GP1BB: variants seen among roughly 807,000 people sequenced by gnomAD.
GP1BB encodes the protein glycoprotein Ib platelet subunit beta.
GP1BB carries 3 observed loss-of-function variants against 2.5 expected under a neutral mutation model. The ratio of observed to expected loss-of-function variants is 1.22; its 90% CI spans 0.56 to 3.15. The LOEUF (loss-of-function observed/expected upper bound fraction) is 3.15. Ranked by LOEUF, GP1BB falls within the 30% of genes most tolerant of loss-of-function variation. GP1BB has a pLI of 0.03. For missense variants in GP1BB, 316 were observed against 307.0 expected, an observed-to-expected ratio of 1.03 and a Z score of -0.22; for synonymous variants, 191 against 167.5, an observed-to-expected ratio of 1.14 and a Z score of -1.08.
Position 19,724,075 on chromosome 22 carries a change from C to T in GP1BB, c.232C>T (p.Leu78=). 1 of 1,499,668 alleles carries T rather than the reference C, an allele frequency of 6.7e-7. No individual in the cohort carries two copies. Among genetic ancestry groups the T allele is most frequent in the Non-Finnish European group, 8.9e-7 (1 of 1,129,896 alleles). The allele number at this position is 1,499,668 out of a possible 1,614,324, so 92.9% of individuals were successfully genotyped here. The change falls in exon 2 of 2, where the codon CTG becomes TTG. Residue 78 remains leucine, a synonymous_variant. Coordinates refer to ENST00000366425, the MANE Select transcript of GP1BB (RefSeq NM_000407.5). The part of the protein sequence containing the change: ...TALPPGLLDA[L]PALRTAHLGA... Reference sequence around the variant, plus strand: ...GCTGCCGCCGGGGCTGCTGGACGCGCTGCCCGCGCTGCGCACCGCACACCT... The same window carrying T: ...GCTGCCGCCGGGGCTGCTGGACGCGTTGCCCGCGCTGCGCACCGCACACCT...
Position 19,724,570 on chromosome 22 carries a change from C to A in GP1BB, c.*106C>A. ...GGCCCTCGCGCCAACCTGGACCGGT[C>A]CCCGCCTCCTCCGCTGCCCAATCTC... On this transcript the variant is annotated 3_prime_UTR_variant, in exon 2 of 2. Coordinates refer to ENST00000366425, the MANE Select transcript of GP1BB (RefSeq NM_000407.5). 1 of 811,080 alleles carries A rather than the reference C, an allele frequency of 1.2e-6. No homozygotes were observed. The highest frequency in any genetic ancestry group is 2.1e-6 in the Non-Finnish European group (1 of 480,784). 50.2% of individuals were successfully genotyped at this position (811,080 alleles called of 1,614,324 possible). A position where few individuals can be genotyped will look rare whatever the true frequency, so the allele number is the denominator to read the frequency against.
rs1001152173 is a variant in GP1BB at position 19,724,339 on chromosome 22, T to TTGC, written c.502_504dup (p.Leu168dup). 1 of 1,455,104 alleles carries TTGC rather than the reference T, an allele frequency of 6.9e-7. No homozygotes were observed. The allele number at this position is 1,455,104 out of a possible 1,614,324, so 90.1% of individuals were successfully genotyped here. On this transcript the variant is annotated inframe_insertion, in exon 2 of 2. Coordinates refer to ENST00000366425, the MANE Select transcript of GP1BB (RefSeq NM_000407.5). ...GCTGGGCCTTGGGCTGCTGCACGCG[T>TTGC]TGCTGCTGGTGCTGCTGCTGTGCCG...
chr22:19,724,514 G>A lies in GP1BB; in HGVS notation c.*50G>A. On this transcript the variant is annotated 3_prime_UTR_variant, in exon 2 of 2. Coordinates refer to ENST00000366425, the MANE Select transcript of GP1BB (RefSeq NM_000407.5). ...AGAGAACCGGCGCTGGGCAACACGG[G>A]CCTGCAAACTCGACAGGACCCTGCC... is the stretch of plus-strand genomic sequence containing the variant. The A allele has an allele frequency of 1.6e-6, 2 of 1,272,602 alleles. No individual in the cohort carries two copies. Among genetic ancestry groups the A allele is most frequent in the Non-Finnish European group, 2.2e-6 (2 of 896,198 alleles). 78.8% of individuals were successfully genotyped at this position (1,272,602 alleles called of 1,614,324 possible). A position where few individuals can be genotyped will look rare whatever the true frequency, so the allele number is the denominator to read the frequency against.
Position 19,724,377 on chromosome 22 carries a change from G to GCGGGCC in GP1BB, c.543_548dup (p.Arg185_Ala186dup), listed in dbSNP as rs1233061164. ...TGCTGCTGTGCCGCCTGCGGAGGCT[G>GCGGGCC]CGGGCCCGGGCCCGCGCTCGCGCCG... On this transcript the variant is annotated inframe_insertion, in exon 2 of 2. Coordinates refer to ENST00000366425, the MANE Select transcript of GP1BB (RefSeq NM_000407.5). The GCGGGCC allele has an allele frequency of 3.3e-6, 5 of 1,518,758 alleles. No homozygotes were observed. Among genetic ancestry groups the GCGGGCC allele is most frequent in the East Asian group, 2.5e-5 (1 of 39,306 alleles). The allele number at this position is 1,518,758 out of a possible 1,614,324, so 94.1% of individuals were successfully genotyped here.
At position 19,724,427 on chromosome 22, in the gene GP1BB, C is replaced by G. The variant is rs1936125083; in HGVS notation, c.584C>G (p.Pro195Arg). ...RAAARLSLTD[P>R]LVAERAGTDE... ...GCAGCCCGGCTGTCGCTGACCGACC[C>G]GCTGGTGGCCGAGCGAGCCGGAACC... The change falls in exon 2 of 2, where the codon CCG (proline) becomes CGG (arginine). Residue 195 changes from proline (P) to arginine (R), a missense_variant. Transcript: ENST00000366425. 2.6e-6 allele frequency: 4 copies of G among 1,544,328 alleles called. No individual in the cohort carries two copies. In the African/African-American group the frequency reaches 4.1e-5, roughly 16 times the overall value.
At position 19,724,240 on chromosome 22, in the gene GP1BB, G is replaced by C. The variant is rs121909751; in HGVS notation, c.397G>C (p.Ala133Pro). 4 of 1,240,022 alleles carry C rather than the reference G, an allele frequency of 3.2e-6. No individual in the cohort carries two copies. The East Asian group carries it at 1.0e-4, about 32-fold the overall frequency. 76.8% of individuals were successfully genotyped at this position (1,240,022 alleles called of 1,614,324 possible). The change falls in exon 2 of 2, where the codon GCC (alanine) becomes CCC (proline). Residue 133 changes from alanine (A) to proline (P), a missense_variant. Transcript: ENST00000366425. ...GCGCGGCCGCCTGCTGCCCTATCTG[G>C]CCGAGGACGAGCTGCGCGCCGCTTG... ...ALRGRLLPYL[A>P]EDELRAACAP...
rs1326108904 is a variant in GP1BB at position 19,723,576 on chromosome 22, T to C, written c.7T>C (p.Ser3Pro). MG[S>P]GPRGALSLLL... ...GGGCTGCCGTCTTCTCGCCATGGGC[T>C]CCGGTGAGTCTGGAGTCCGGTCGGG... Residue 3 changes from serine (S) to proline (P), a missense_variant, in exon 1 of 2, where the codon TCC (serine) becomes CCC (proline). Ser to Pro is a moderately conservative substitution (Grantham distance 74). Transcript: ENST00000366425. 1 of 1,597,638 alleles carries C rather than the reference T, an allele frequency of 6.3e-7. No homozygotes were observed. The highest frequency in any genetic ancestry group is 8.5e-7 in the Non-Finnish European group (1 of 1,176,766).
Position 19,723,962 on chromosome 22 carries a change from G to A in GP1BB, c.119G>A (p.Gly40Glu), listed in dbSNP as rs375285857. The A allele has an allele frequency of 1.6e-3, 2,387 of 1,524,650 alleles. 6 individuals are homozygous for A. Among genetic ancestry groups the A allele is most frequent in the Admixed American group, 2.6e-3 (133 of 50,540 alleles). 94.4% of individuals were successfully genotyped at this position (1,524,650 alleles called of 1,614,324 possible). ...TGCGCGGGGACGCTCGTGGACTGCGGGCGCCGCGGGCTGACTTGGGCCTCG... is the reference window on the plus strand; with the variant it reads ...TGCGCGGGGACGCTCGTGGACTGCGAGCGCCGCGGGCTGACTTGGGCCTCG... The part of the protein sequence containing the change: ...CSCAGTLVDC[G>E]RRGLTWASLP... Residue 40 changes from glycine to glutamate, a missense_variant, in exon 2 of 2, where the codon GGG becomes GAG. Transcript: ENST00000366425.
At position 19,724,237 on chromosome 22, in the gene GP1BB, C is replaced by T. The variant is rs1425841366; in HGVS notation, c.394C>T (p.Leu132=). The change falls in exon 2 of 2, where the codon CTG becomes TTG. Residue 132 remains leucine (L), a synonymous_variant. Transcript: ENST00000366425. ...PALRGRLLPY[L]AEDELRAACA... is the part of the protein sequence containing the mutation. ...GCTGCGCGGCCGCCTGCTGCCCTAT[C>T]TGGCCGAGGACGAGCTGCGCGCCGC... 4.0e-6 allele frequency: 5 copies of T among 1,236,024 alleles called. No homozygotes were observed. The highest frequency in any genetic ancestry group is 5.0e-6 in the Non-Finnish European group (5 of 993,656). 76.6% of individuals were successfully genotyped at this position (1,236,024 alleles called of 1,614,324 possible).
Position 19,723,727 on chromosome 22 carries a change from A to T in GP1BB, c.11-127A>T, listed in dbSNP as rs751098632. 5.3e-6 allele frequency: 7 copies of T among 1,312,268 alleles called. No individual in the cohort carries two copies. The South Asian group carries it at 9.4e-5, about 18-fold the overall frequency. The allele number at this position is 1,312,268 out of a possible 1,614,324, so 81.3% of individuals were successfully genotyped here. On this transcript the variant is annotated intron_variant, in intron 1 of 1. Coordinates refer to ENST00000366425, the MANE Select transcript of GP1BB (RefSeq NM_000407.5). ...GGCGTGCGGGGTGGTCAGGGTGGAG[A>T]GGCTGGCGGGCTACCGGGACGCCGG...
chr22:19,723,801 T>A, intron 1 of GP1BB, 53 bp from the exon 2 acceptor site: 1 of 1,472,710 alleles, frequency 6.8e-7, no homozygotes, highest in Non-Finnish European at 9.1e-7. Context: ...TACTCAGAGA[T>A]GTCGCCCAGG....
chr22:19,724,224 C>G lies in GP1BB; in HGVS notation c.381C>G (p.Arg127=). 8.2e-7 allele frequency: 1 copy of G among 1,225,858 alleles called. No homozygotes were observed. Among genetic ancestry groups the G allele is most frequent in the Non-Finnish European group, 1.0e-6 (1 of 987,192 alleles). 75.9% of individuals were successfully genotyped at this position (1,225,858 alleles called of 1,614,324 possible). A position where few individuals can be genotyped will look rare whatever the true frequency, so the allele number is the denominator to read the frequency against. Residue 127 remains arginine (R), a synonymous_variant, in exon 2 of 2, where the codon CGC becomes CGG. Coordinates refer to ENST00000366425, the MANE Select transcript of GP1BB (RefSeq NM_000407.5). The stretch of plus-strand genomic sequence containing the variant: ...TGGCGCCCCCAGCGCTGCGCGGCCG[C>G]CTGCTGCCCTATCTGGCCGAGGACG... The part of the protein sequence containing the change: ...RCVAPPALRG[R]LLPYLAEDEL...
At position 19,723,927 on chromosome 22, in the gene GP1BB, G is replaced by T; in HGVS notation, c.84G>T (p.Ala28=). The change falls in exon 2 of 2, where the codon GCG becomes GCT. Residue 28 remains alanine (A), a synonymous_variant. Transcript: ENST00000366425. ...GCCGCCCGGCCGCAGGTTGCCCGGCGCCCTGTAGCTGCGCGGGGACGCTCG... is the reference window on the plus strand; with the variant it reads ...GCCGCCCGGCCGCAGGTTGCCCGGCTCCCTGTAGCTGCGCGGGGACGCTCG... ...PPSRPAAGCP[A]PCSCAGTLVD... is the part of the protein sequence containing the mutation. 1.3e-6 allele frequency: 2 copies of T among 1,523,482 alleles called. No individual in the cohort carries two copies. The highest frequency in any genetic ancestry group is 1.8e-6 in the Non-Finnish European group (2 of 1,142,234). 94.4% of individuals were successfully genotyped at this position (1,523,482 alleles called of 1,614,324 possible). A position where few individuals can be genotyped will look rare whatever the true frequency, so the allele number is the denominator to read the frequency against.
Position 19,724,504 on chromosome 22 carries a change from G to T in GP1BB, c.*40G>T. 1 of 1,346,464 alleles carries T rather than the reference G, an allele frequency of 7.4e-7. No individual in the cohort carries two copies. The highest frequency in any genetic ancestry group is 1.0e-6 in the Non-Finnish European group (1 of 963,314). 83.4% of individuals were successfully genotyped at this position (1,346,464 alleles called of 1,614,324 possible). ...CGTCCTGAGGAGAGAACCGGCGCTG[G>T]GCAACACGGGCCTGCAAACTCGACA... On this transcript the variant is annotated 3_prime_UTR_variant, in exon 2 of 2. Transcript: ENST00000366425.
chr22:19,724,729 C>T lies in GP1BB; in HGVS notation c.*265C>T, dbSNP rs1292832769. ...CAATGCGGTCCAGACCCTGCTGCGT[C>T]TCCCTTCCAAACTCTGGTGCTGAAT... On this transcript the variant is annotated 3_prime_UTR_variant, in exon 2 of 2. Coordinates refer to ENST00000366425, the MANE Select transcript of GP1BB (RefSeq NM_000407.5). 1 of 519,356 alleles carries T rather than the reference C, an allele frequency of 1.9e-6. No homozygotes were observed. Among genetic ancestry groups the T allele is most frequent in the South Asian group, 2.2e-5 (1 of 45,118 alleles). The allele number at this position is 519,356 out of a possible 1,614,324, so 32.2% of individuals were successfully genotyped here.
At position 19,723,593 on chromosome 22, in the gene GP1BB, C is replaced by G; in HGVS notation, c.10+14C>G. On this transcript the variant is annotated intron_variant, in intron 1 of 1. Transcript: ENST00000366425. ...CCATGGGCTCCGGTGAGTCTGGAGT[C>G]CGGTCGGGCCCCCGGCTGCTCCCTA... The G allele has an allele frequency of 6.3e-7, 1 of 1,596,014 alleles. No individual in the cohort carries two copies. The highest frequency in any genetic ancestry group is 8.5e-7 in the Non-Finnish European group (1 of 1,176,178).
rs761696333 is a variant in GP1BB, at chr22:19,723,999, C to T, written c.156C>T (p.Ala52=). Reference sequence around the variant, plus strand: ...TGACTTGGGCCTCGCTGCCGACCGCCTTCCCTGTCGACACAACCGAGCTGG... The same window carrying T: ...TGACTTGGGCCTCGCTGCCGACCGCTTTCCCTGTCGACACAACCGAGCTGG... The part of the protein sequence containing the change: ...RGLTWASLPT[A]FPVDTTELVL... Residue 52 remains alanine (A), a synonymous_variant, in exon 2 of 2, where the codon GCC becomes GCT. Transcript: ENST00000366425. The T allele has an allele frequency of 2.9e-4, 448 of 1,536,918 alleles. No individual in the cohort carries two copies. The highest frequency in any genetic ancestry group is 4.8e-4 in the Admixed American group (25 of 52,258).
In GP1BB at chr22:19,723,942, G is replaced by C; in HGVS notation, c.99G>C (p.Ala33=). 2 of 1,525,254 alleles carry C rather than the reference G, an allele frequency of 1.3e-6. No individual in the cohort carries two copies. Among genetic ancestry groups the C allele is most frequent in the Non-Finnish European group, 1.7e-6 (2 of 1,142,982 alleles). 94.5% of individuals were successfully genotyped at this position (1,525,254 alleles called of 1,614,324 possible). ...AAGCPAPCSC[A]GTLVDCGRRG... ...GTTGCCCGGCGCCCTGTAGCTGCGCGGGGACGCTCGTGGACTGCGGGCGCC... is the reference window on the plus strand; with the variant it reads ...GTTGCCCGGCGCCCTGTAGCTGCGCCGGGACGCTCGTGGACTGCGGGCGCC... Residue 33 remains alanine (A), a synonymous_variant, in exon 2 of 2, where the codon GCG becomes GCC. Coordinates refer to ENST00000366425, the MANE Select transcript of GP1BB (RefSeq NM_000407.5).
intron 1 of GP1BB, 82 bp downstream of exon 1, chr22:19,723,661 C>T: frequency 6.7e-7 from 1 of 1,484,336 alleles, no homozygotes; most frequent in South Asian, 1.2e-5. Context: ...TTGGCTGCAG[C>T]TGGGAGAGAC....
Sources: gnomAD v4.1 joint callset for allele counts on GRCh38, gnomAD v4.1.1 for gene constraint, MANE v1.5 for transcripts, NCBI Gene and HGNC (gene_info 2026-07-23, HGNC 2026-07-21) for gene names.